Variants in NCKAP5 observed in about 807,000 individuals in gnomAD.
The protein encoded by NCKAP5 is NCK associated protein 5.
Under a neutral mutation model 167.0 loss-of-function variants are expected in NCKAP5, and 92 were observed. That is an observed-to-expected ratio of 0.55 (90% CI 0.47 to 0.66). The LOEUF is 0.66. Among genes scored for constraint, NCKAP5 ranks in the 30% least tolerant of loss-of-function variants. The pLI is 0.00. For missense variants in NCKAP5, 2,378 were observed against 2,315.0 expected (o/e 1.03, Z -0.56); for synonymous variants, 891 against 877.4 (o/e 1.02, Z -0.27).
chr2:133,395,463 T>G (rs1428174381), intron 3 of NCKAP5, among the ~76,000 whole-genome samples: 4 of 152,228 alleles, frequency 2.6e-5, no homozygotes, highest in Non-Finnish European at 5.9e-5. Context: ...CTTAACATGG[T>G]TAACGTGCAG....
chr2:133,403,887 A>ATGTGTGTGTGTGTGTGTGTGTGTGTG (rs138024785), intron 3 of NCKAP5, among the ~76,000 whole-genome samples: 9 of 148,118 alleles, frequency 6.1e-5, no homozygotes, highest in African/African-American at 2.2e-4. Context: ...AGTCAGGTGG[A>ATGTGTGTGTGTGTGTGTGTGTGTGTG]TGTGTGTGTG....
At chr2:132,884,817 G>A (rs1291060482) in intron 8 of NCKAP5, among the ~76,000 whole-genome samples, 1 of 151,286 alleles carries the variant, frequency 6.6e-6, no homozygotes, top group African/African-American at 2.4e-5. Flanking sequence ...GCTGAAAATG[G>A]GAATTTATAT....
At position 132,783,083 on chromosome 2, in the gene NCKAP5, C is replaced by T; in HGVS notation, c.3728G>A (p.Arg1243Lys). Reference sequence around the variant, plus strand: ...CATGGATCTATTATCTACCCCATCCCTTCCATCACTCCCAGGGATGCTACT... The same window carrying T: ...CATGGATCTATTATCTACCCCATCCTTTCCATCACTCCCAGGGATGCTACT... ...LESSIPGSDG[R>K]DGVDNRSMRR... Residue 1243 changes from arginine to lysine, a missense_variant, in exon 14 of 20, where the codon AGG (arginine) becomes AAG (lysine). Coordinates refer to ENST00000409261, the MANE Select transcript of NCKAP5 (RefSeq NM_207363.3). 3.1e-6 allele frequency: 5 copies of T among 1,613,842 alleles called. No individual in the cohort carries two copies. Among genetic ancestry groups the T allele is most frequent in the Non-Finnish European group, 4.2e-6 (5 of 1,179,856 alleles).
At chr2:133,413,614 T>A (rs910180982) in intron 3 of NCKAP5, among the ~76,000 whole-genome samples, 13 of 151,802 alleles carry the variant, frequency 8.6e-5, no homozygotes, top group South Asian at 2.1e-4. Context: ...AAAAAAAAAA[T>A]TTAATGAGCT....
At chr2:133,474,159 C>CTATCTATCTATCT (rs1559511855) in intron 3 of NCKAP5, among the ~76,000 whole-genome samples, 8 of 109,982 alleles carry the variant, frequency 7.3e-5, no homozygotes, top group African/African-American at 2.3e-4. Context: ...TATCTATACA[C>CTATCTATCTATCT]ACACACACAC....
intron 3 of NCKAP5, among the ~76,000 whole-genome samples, chr2:133,370,694 G>A (rs1685745996): frequency 6.7e-6 from 1 of 150,002 alleles, no homozygotes; most frequent in Admixed American, 6.6e-5. Flanking sequence ...AAAAAGTTTG[G>A]CTAACGTATT....
intron 15 of NCKAP5, 86 bp from the exon 16 acceptor site, chr2:132,773,980 T>A: frequency 9.0e-7 from 1 of 1,117,186 alleles, no homozygotes; most frequent in Non-Finnish European, 1.3e-6. Flanking sequence ...GTACATTCTA[T>A]AACAAATATG....
chr2:133,518,103 G>C (rs1461307352), intron 2 of NCKAP5, among the ~76,000 whole-genome samples: 1 of 151,974 alleles, frequency 6.6e-6, no homozygotes, highest in Admixed American at 6.6e-5. Flanking sequence ...CATTCCTTTG[G>C]GGATAGATTG....
chr2:133,167,670 A>G (rs1475136515), intron 5 of NCKAP5, among the ~76,000 whole-genome samples: 1 of 152,212 alleles, frequency 6.6e-6, no homozygotes, highest in East Asian at 1.9e-4. Flanking sequence ...AGCGTAGAAC[A>G]CGGATTAGCT....
intron 4 of NCKAP5, among the ~76,000 whole-genome samples, chr2:133,238,854 T>C (rs1187773474): frequency 6.6e-6 from 1 of 152,216 alleles, no homozygotes; most frequent in Non-Finnish European, 1.5e-5. Context: ...TGTCTGGTCC[T>C]GGTTTTCTCA....
chr2:133,075,489 G>C (rs2080568446), intron 6 of NCKAP5, among the ~76,000 whole-genome samples: 1 of 152,126 alleles, frequency 6.6e-6, no homozygotes, highest in Non-Finnish European at 1.5e-5. Context: ...AAATATGCTT[G>C]ACTGTTGAAA....
intron 6 of NCKAP5, among the ~76,000 whole-genome samples, chr2:133,082,561 C>T (rs1044243724): frequency 1.3e-5 from 2 of 152,102 alleles, no homozygotes; most frequent in Non-Finnish European, 2.9e-5. Context: ...TTGGCTGGTG[C>T]CAGCATTTCC....
the NCKAP5 span, among the ~76,000 whole-genome samples, chr2:133,647,371 GAAA>G: frequency 1.2e-3 from 110 of 92,782 alleles, 2 homozygotes; most frequent in African/African-American, 6.1e-3. Flanking sequence ...AAGGAAGGAA[GAAA>G]GAAAGGAAGG....
At chr2:133,228,764 C>CA (rs1206917348) in intron 4 of NCKAP5, among the ~76,000 whole-genome samples, 1 of 152,066 alleles carries the variant, frequency 6.6e-6, no homozygotes. Context: ...TTCAAAATAA[C>CA]AAGATTTCAA....
At chr2:133,418,383 G>A (rs1689258900) in intron 3 of NCKAP5, among the ~76,000 whole-genome samples, 1 of 152,136 alleles carries the variant, frequency 6.6e-6, no homozygotes, top group African/African-American at 2.4e-5. Context: ...TGGCTTGGAG[G>A]AACAAATTAT....
chr2:133,617,836 G>A, the NCKAP5 span, among the ~76,000 whole-genome samples: 10 of 150,404 alleles, frequency 6.6e-5, no homozygotes, highest in East Asian at 3.9e-4. Flanking sequence ...AAAAGAGCCC[G>A]CATCGCCAAG....
At chr2:133,640,054 T>C in the NCKAP5 span, among the ~76,000 whole-genome samples, 1 of 152,176 alleles carries the variant, frequency 6.6e-6, no homozygotes, top group Non-Finnish European at 1.5e-5. Flanking sequence ...GCCATGCATA[T>C]ATATTTAGTC....
At chr2:133,154,756 T>C (rs12468087) in intron 5 of NCKAP5, among the ~76,000 whole-genome samples, 27,875 of 152,186 alleles carry the variant, frequency 0.18, 2,802 homozygotes, top group Non-Finnish European at 0.22. Flanking sequence ...TAGGGATGCA[T>C]ATGCTTTATA....
At chr2:132,999,080 A>C (rs1408757053) in intron 6 of NCKAP5, among the ~76,000 whole-genome samples, 1 of 152,228 alleles carries the variant, frequency 6.6e-6, no homozygotes, top group Non-Finnish European at 1.5e-5. Context: ...CTATTTTTAA[A>C]AAGTTAACTC....
Sources: allele counts gnomAD v4.1 joint callset (sites outside exome capture counted in the v4.1 genomes callset), GRCh38; gene constraint gnomAD v4.1.1; transcripts MANE v1.5; gene names NCBI Gene and HGNC (gene_info 2026-07-23, HGNC 2026-07-21).